CYSLTR2: variants seen among roughly 807,000 people sequenced by gnomAD.
CYSLTR2 encodes the protein G-protein coupled receptor GPCR21.
For synonymous variants in CYSLTR2, 179 were observed against 160.8 expected (o/e 1.11, Z -0.86); for missense variants, 398 against 411.9 (o/e 0.97, Z 0.29).
At chr13:48,689,027 CAT>C (rs1353518857) in intron 1 of CYSLTR2, among the ~76,000 whole-genome samples, 2 of 152,196 alleles carry the variant, frequency 1.3e-5, no homozygotes, top group Admixed American at 6.5e-5. Context: ...AGCTTTTCTT[CAT>C]ATGTTTGTTG....
chr13:48,685,527 G>A (rs1174762991), intron 1 of CYSLTR2, among the ~76,000 whole-genome samples: 1 of 152,134 alleles, frequency 6.6e-6, no homozygotes, highest in East Asian at 1.9e-4. Flanking sequence ...TACCCTGTTT[G>A]TGATACTTTG....
At chr13:48,657,503 G>A (rs111872025) in intron 1 of CYSLTR2, among the ~76,000 whole-genome samples, 4 of 151,876 alleles carry the variant, frequency 2.6e-5, no homozygotes, top group African/African-American at 7.2e-5. Context: ...GGGAAGTAGA[G>A]GAGAGGGGAG....
chr13:48,679,079 A>G (rs1317497584), intron 1 of CYSLTR2, among the ~76,000 whole-genome samples: 1 of 152,038 alleles, frequency 6.6e-6, no homozygotes, highest in African/African-American at 2.4e-5. Context: ...CTCTCTGCCC[A>G]CCCATCCTCC....
At position 48,656,353 on chromosome 13, in the gene CYSLTR2, G is replaced by C. The variant is rs115915691; in HGVS notation, c.-266+2336G>C. ...CAAATCTTATTGTGATTGTTAGCTA[G>C]TACTGACTGAACTCTTCACATGTGT... On this transcript the variant is annotated intron_variant, in intron 1 of 4. Transcript: ENST00000682523. 5.7e-3 allele frequency among the ~76,000 whole-genome samples: 865 copies of C among 152,232 alleles called. 11 individuals carry two copies. Among genetic ancestry groups the C allele is most frequent in the African/African-American group, 0.02 (829 of 41,512 alleles).
At chr13:48,672,611 CTTTTCTTT>C (rs1318202034) in intron 1 of CYSLTR2, among the ~76,000 whole-genome samples, 1 of 106,834 alleles carries the variant, frequency 9.4e-6, no homozygotes, top group Non-Finnish European at 1.9e-5. Context: ...CTTTTCTTTT[CTTTTCTTT>C]TTTTTTTTTT....
At chr13:48,655,721 C>T (rs1317317473) in intron 1 of CYSLTR2, among the ~76,000 whole-genome samples, 1 of 152,178 alleles carries the variant, frequency 6.6e-6, no homozygotes, top group South Asian at 2.1e-4. Flanking sequence ...ATTTGATCCA[C>T]ATACTAGCCT....
chr13:48,674,382 C>T (rs1953538693), intron 1 of CYSLTR2, among the ~76,000 whole-genome samples: 1 of 152,114 alleles, frequency 6.6e-6, no homozygotes, highest in Non-Finnish European at 1.5e-5. Context: ...TCTTCAATCT[C>T]TGATATCCTT....
intron 1 of CYSLTR2, among the ~76,000 whole-genome samples, chr13:48,690,578 C>A (rs1215702930): frequency 6.6e-6 from 1 of 152,140 alleles, no homozygotes; most frequent in African/African-American, 2.4e-5. Flanking sequence ...ATATGTTGAA[C>A]CAGTCTTGCA....
intron 1 of CYSLTR2, among the ~76,000 whole-genome samples, chr13:48,658,864 C>T (rs1165199086): frequency 6.6e-6 from 1 of 151,998 alleles, no homozygotes; most frequent in Non-Finnish European, 1.5e-5. Context: ...ATGAACTTGA[C>T]TCTGAGATGA....
intron 1 of CYSLTR2, among the ~76,000 whole-genome samples, chr13:48,665,467 T>C (rs1953238062): frequency 6.6e-6 from 1 of 152,254 alleles, no homozygotes; most frequent in African/African-American, 2.4e-5. Flanking sequence ...TTAGATTTAA[T>C]ATTTGCTTTA....
chr13:48,668,816 G>T (rs1300969405), intron 1 of CYSLTR2, among the ~76,000 whole-genome samples: 4 of 152,024 alleles, frequency 2.6e-5, no homozygotes, highest in African/African-American at 9.7e-5. Context: ...GTGTCCATGT[G>T]TTCCCATTGT....
At chr13:48,705,508 T>C (rs1954457261) in intron 4 of CYSLTR2, among the ~76,000 whole-genome samples, 1 of 151,394 alleles carries the variant, frequency 6.6e-6, no homozygotes, top group Non-Finnish European at 1.5e-5. Flanking sequence ...ATCTGAACAC[T>C]TTTTAGAATT....
intron 1 of CYSLTR2, among the ~76,000 whole-genome samples, chr13:48,683,911 A>G (rs1489125358): frequency 6.6e-6 from 1 of 152,204 alleles, no homozygotes; most frequent in Non-Finnish European, 1.5e-5. Context: ...TTCATAATCC[A>G]TAGTCACTTT....
chr13:48,687,047 G>C (rs534525051), intron 1 of CYSLTR2, among the ~76,000 whole-genome samples: 2 of 152,124 alleles, frequency 1.3e-5, no homozygotes, highest in African/African-American at 4.8e-5. Flanking sequence ...ATAAGAAAAA[G>C]GGATTTGCTC....
At chr13:48,660,958 A>T (rs1953112849) in intron 1 of CYSLTR2, among the ~76,000 whole-genome samples, 1 of 152,160 alleles carries the variant, frequency 6.6e-6, no homozygotes. Flanking sequence ...CTTTGCAATA[A>T]CAACAGCTAA....
chr13:48,668,881 T>C (rs2138841937), intron 1 of CYSLTR2, among the ~76,000 whole-genome samples: 1 of 152,276 alleles, frequency 6.6e-6, no homozygotes, highest in East Asian at 1.9e-4. Context: ...GTTCCTGTAT[T>C]AGTTTGCTGA....
chr13:48,657,523 A>G (rs1343416740), intron 1 of CYSLTR2, among the ~76,000 whole-genome samples: 5 of 151,898 alleles, frequency 3.3e-5, no homozygotes, highest in African/African-American at 1.2e-4. Context: ...GAGGAGGGAA[A>G]GAGATGGAAA....
intron 1 of CYSLTR2, among the ~76,000 whole-genome samples, chr13:48,657,342 A>ATGG (rs1953022427): frequency 6.6e-6 from 1 of 152,214 alleles, no homozygotes; most frequent in African/African-American, 2.4e-5. Context: ...AGTTGGAGTC[A>ATGG]AGAAATTCCA....
Position 48,706,911 on chromosome 13 carries a change from A to G in CYSLTR2, c.94A>G (p.Thr32Ala). The stretch of plus-strand genomic sequence containing the variant: ...CAGCAATAACAACAGCAGGAACTGC[A>G]CAATTGAAAACTTCAAGAGAGAATT... ...TFSNNNSRNCTIENFKREFFP... is the reference protein window; with the variant it reads ...TFSNNNSRNCAIENFKREFFP... Residue 32 changes from threonine (T) to alanine (A), a missense_variant, in exon 5 of 5, where the codon ACA becomes GCA. Thr to Ala is a moderately conservative substitution (Grantham distance 58). Coordinates refer to ENST00000682523, the MANE Select transcript of CYSLTR2 (RefSeq NM_001308476.3). The G allele has an allele frequency of 1.9e-6, 3 of 1,614,242 alleles. No homozygotes were observed. The highest frequency in any genetic ancestry group is 1.1e-5 in the South Asian group (1 of 91,086).
Sources: allele counts gnomAD v4.1 joint callset (sites outside exome capture counted in the v4.1 genomes callset), GRCh38; gene constraint gnomAD v4.1.1; transcripts MANE v1.5; gene names NCBI Gene and HGNC (gene_info 2026-07-23, HGNC 2026-07-21).